Variants in TAOK2 observed in about 807,000 individuals in gnomAD.
TAOK2 encodes TAO kinase 2, also known as serine/threonine-protein kinase TAO2.
TAOK2 carries 42 observed loss-of-function variants against 122.5 expected under a neutral mutation model. The ratio of observed to expected loss-of-function variants is 0.34; its 90% confidence interval spans 0.27 to 0.44. The LOEUF (loss-of-function observed/expected upper bound fraction) is 0.44, where lower values mean the gene tolerates loss of function less well. Among genes scored for constraint, TAOK2 ranks in the 20% least tolerant of loss-of-function variants. The probability of loss-of-function intolerance (pLI) is 1.00; values close to 1 mark genes in which losing one functional copy is unlikely to be tolerated. For missense variants in TAOK2, 1,264 were observed against 1,644.9 expected, an observed-to-expected ratio of 0.77 and a Z score of 4.01; for synonymous variants, 704 against 677.6, an observed-to-expected ratio of 1.04 and a Z score of -0.61.
downstream of TAOK2, chr16:29,991,607 G>C: frequency 7.0e-7 from 1 of 1,438,580 alleles, no homozygotes; most frequent in South Asian, 1.5e-5. This position sits in a 1 kb window ranked among gnomAD's most constrained non-coding sequence, Gnocchi z 5.6. Flanking sequence ...GGCAGGGCAG[G>C]GGTGGGTGGA....
chr16:29,987,599 G>A lies in TAOK2; in HGVS notation c.3327G>A (p.Arg1109=), dbSNP rs61738516. 5,441 of 1,612,630 alleles carry A rather than the reference G, an allele frequency of 3.4e-3. 22 individuals carry two copies. The highest frequency in any genetic ancestry group is 4.0e-3 in the Non-Finnish European group (4,720 of 1,179,056). ...ALQGCGAVGD[R]GLFALYPKTN... ...AGGGCTGTGGGGCTGTGGGGGACCGGGGTCTGTTTGCACTGTACCCCAAAA... is the reference window on the plus strand; with the variant it reads ...AGGGCTGTGGGGCTGTGGGGGACCGAGGTCTGTTTGCACTGTACCCCAAAA... The change falls in exon 16 of 16, where the codon CGG becomes CGA. Residue 1109 remains arginine (R), a synonymous_variant. Transcript: ENST00000308893.
rs766185229 is a variant in TAOK2 at position 29,987,688 on chromosome 16, C to T, written c.3416C>T (p.Thr1139Ile). ...GGGCCCCGGCGGCGTAATCCCCGCA[C>T]CACCCAACACCCATTAGCTCTGTTG... ...VPGPRRRNPR[T>I]TQHPLALLAR... The change falls in exon 16 of 16, where the codon ACC becomes ATC. Residue 1139 changes from threonine (T) to isoleucine (I), a missense_variant. Physicochemically the swap from Thr to Ile is moderately conservative, Grantham distance 89 (BLOSUM62 -1). Around this residue, in one of 4 missense-constraint regions of TAOK2, gnomAD observed 824 missense variants for 908.7 expected, o/e 0.91. Coordinates refer to ENST00000308893, the MANE Select transcript of TAOK2 (RefSeq NM_016151.4). 25 of 1,613,926 alleles carry T rather than the reference C, an allele frequency of 1.5e-5. No homozygotes were observed. In the African/African-American group the frequency reaches 1.6e-4, roughly 10 times the overall value.
chr16:29,980,565 T>G (rs2069582236), intron 8 of TAOK2: 1 of 152,226 alleles, frequency 6.6e-6, no homozygotes, highest in South Asian at 2.1e-4. Flanking sequence ...TCATGAACTC[T>G]TCCACTTCCT....
At chr16:29,988,768 G>C, downstream of TAOK2, 1 of 985,408 alleles carries the variant, frequency 1.0e-6, no homozygotes, top group South Asian at 4.7e-5. Flanking sequence ...TAGTGGGTTG[G>C]GGGACGGGGC....
At position 29,985,443 on chromosome 16, in the gene TAOK2, G is replaced by C; in HGVS notation, c.1653G>C (p.Glu551Asp). The C allele has an allele frequency of 1.9e-6, 3 of 1,611,146 alleles. No homozygotes were observed. The highest frequency in any genetic ancestry group is 2.5e-6 in the Non-Finnish European group (3 of 1,178,794). ...CCCGGCGGCACCAGGCCATAGGTGA[G>C]AAGGAGGCACGAGCTGCCCAGGCCG... The part of the protein sequence containing the change: ...KLARRHQAIG[E>D]KEARAAQAEE... Residue 551 changes from glutamate (E) to aspartate (D), a missense_variant, in exon 14 of 16, where the codon GAG becomes GAC. Physicochemically the swap from Glu to Asp is conservative, Grantham distance 45. Transcript: ENST00000308893. The surrounding 1 kb of genome is among the most constrained non-coding windows in gnomAD (Gnocchi z 6.9).
chr16:29,987,099 C>T lies in TAOK2; in HGVS notation c.2827C>T (p.Leu943Phe). 6.2e-7 allele frequency: 1 copy of T among 1,613,168 alleles called. No individual in the cohort carries two copies. Among genetic ancestry groups the T allele is most frequent in the Non-Finnish European group, 8.5e-7 (1 of 1,179,400 alleles). Residue 943 changes from leucine to phenylalanine, a missense_variant, in exon 16 of 16, where the codon CTC becomes TTC. Transcript: ENST00000308893. ...THLRPCPASQ[L>F]PGLLSHGLLA... Reference sequence around the variant, plus strand: ...CCTGAGGCCCTGCCCTGCCAGCCAGCTCCCTGGACTCCTGTCCCATGGCCT... The same window carrying T: ...CCTGAGGCCCTGCCCTGCCAGCCAGTTCCCTGGACTCCTGTCCCATGGCCT...
At position 29,974,500 on chromosome 16, in the gene TAOK2, C is replaced by T. The variant is rs2069393195; in HGVS notation, c.-184C>T. ...GTCACCCCCTCCCCTCCAGGGGAGGCTTCCCGGGCCCGCCCCTCAGGAAGG... is the reference window on the plus strand; with the variant it reads ...GTCACCCCCTCCCCTCCAGGGGAGGTTTCCCGGGCCCGCCCCTCAGGAAGG... On this transcript the variant is annotated 5_prime_UTR_variant, in exon 1 of 16. Transcript: ENST00000308893. 6.6e-6 allele frequency: 1 copy of T among 152,592 alleles called. No homozygotes were observed. The highest frequency in any genetic ancestry group is 2.1e-4 in the South Asian group (1 of 4,836). 9.5% of individuals were successfully genotyped at this position (152,592 alleles called of 1,614,324 possible). A position where few individuals can be genotyped will look rare whatever the true frequency, so the allele number is the denominator to read the frequency against.
At chr16:29,982,686 TG>T (rs774493353) in intron 10 of TAOK2, 47 bp from the exon 11 acceptor site, 1 of 1,585,792 alleles carries the variant, frequency 6.3e-7, no homozygotes. Context: ...CTGTGGGTTG[TG>T]GGGGGAAGGG....
Position 29,982,867 on chromosome 16 carries a change from A to G in TAOK2, c.965A>G (p.Asn322Ser). The G allele has an allele frequency of 6.2e-7, 1 of 1,614,062 alleles. No homozygotes were observed. The highest frequency in any genetic ancestry group is 8.5e-7 in the Non-Finnish European group (1 of 1,179,972). Residue 322 changes from asparagine (N) to serine (S), a missense_variant, in exon 11 of 16, where the codon AAC becomes AGC. Asn to Ser is a conservative substitution (Grantham distance 46). Around this residue, in one of 4 missense-constraint regions of TAOK2, gnomAD observed 254 missense variants for 503.8 expected, o/e 0.50. Transcript: ENST00000308893. ...MKKILFQEAPNGPGAEAPEEE... is the reference protein window; with the variant it reads ...MKKILFQEAPSGPGAEAPEEE... ...AAGATCCTGTTCCAAGAGGCACCCA[A>G]CGGCCCTGGTGCCGAGGCCCCAGAG...
At chr16:29,977,612 C>A in intron 1 of TAOK2, 126 bp from the exon 2 acceptor site, 2 of 892,948 alleles carry the variant, frequency 2.2e-6, no homozygotes, top group East Asian at 2.7e-5. Flanking sequence ...CTCCCCCTCC[C>A]CTTCCTCAGC....
chr16:29,987,810 C>T lies in TAOK2; in HGVS notation c.3538C>T (p.Leu1180=). The T allele has an allele frequency of 6.2e-7, 1 of 1,613,546 alleles. No individual in the cohort carries two copies. Among genetic ancestry groups the T allele is most frequent in the Non-Finnish European group, 8.5e-7 (1 of 1,179,814 alleles). The change falls in exon 16 of 16, where the codon CTG becomes TTG. Residue 1180 remains leucine, a synonymous_variant. Coordinates refer to ENST00000308893, the MANE Select transcript of TAOK2 (RefSeq NM_016151.4). ...CTTGCCCCCGTGGGCCATCCACACA[C>T]TGGCCAGCTGGGGCCTGCTTCGGGG... ...SHLPPWAIHT[L]ASWGLLRGER... is the part of the protein sequence containing the mutation.
rs138953442 is a variant in TAOK2 at position 29,983,173 on chromosome 16, C to G, written c.1101C>G (p.Ser367=). ...TCAGCGCCTCCAGCCAGAGCAGCTC[C>G]GTCAACAGCCTAGCAGATGCCTCAG... ...MSISASSQSS[S]VNSLADASDN... is the part of the protein sequence containing the mutation. The change falls in exon 12 of 16, where the codon TCC becomes TCG. Residue 367 remains serine (S), a synonymous_variant. Coordinates refer to ENST00000308893, the MANE Select transcript of TAOK2 (RefSeq NM_016151.4). The G allele has an allele frequency of 1.9e-6, 3 of 1,614,048 alleles. No homozygotes were observed. Among genetic ancestry groups the G allele is most frequent in the Non-Finnish European group, 2.5e-6 (3 of 1,180,012 alleles).
chr16:29,987,576 G>A lies in TAOK2; in HGVS notation c.3304G>A (p.Gly1102Ser). The part of the protein sequence containing the change: ...LSPMAFRALQ[G>S]CGAVGDRGLF... The stretch of plus-strand genomic sequence containing the variant: ...ACCCATGGCCTTCCGGGCCCTGCAG[G>A]GCTGTGGGGCTGTGGGGGACCGGGG... Residue 1102 changes from glycine (G) to serine (S), a missense_variant, in exon 16 of 16, where the codon GGC becomes AGC. Transcript: ENST00000308893. 1 of 1,612,290 alleles carries A rather than the reference G, an allele frequency of 6.2e-7. No homozygotes were observed. Among genetic ancestry groups the A allele is most frequent in the East Asian group, 2.2e-5 (1 of 44,822 alleles).
intron 13 of TAOK2, 63 bp downstream of exon 13, chr16:29,983,727 G>T: frequency 6.4e-7 from 1 of 1,553,276 alleles, no homozygotes; most frequent in Non-Finnish European, 8.7e-7. Flanking sequence ...TTTAAGTCTA[G>T]AAATGATTTC....
Position 29,979,269 on chromosome 16 carries a change from T to A in TAOK2, c.524T>A (p.Ile175Asn), listed in dbSNP as rs939417987. 2 of 1,614,042 alleles carry A rather than the reference T, an allele frequency of 1.2e-6. No homozygotes were observed. Among genetic ancestry groups the A allele is most frequent in the African/African-American group, 2.7e-5 (2 of 74,916 alleles). The change falls in exon 7 of 16, where the codon ATC (isoleucine) becomes AAC (asparagine). Residue 175 changes from isoleucine to asparagine, a missense_variant. Ile to Asn is a moderately radical substitution (Grantham distance 149). Around this residue, in one of 4 missense-constraint regions of TAOK2, gnomAD observed 254 missense variants for 503.8 expected, o/e 0.50. Coordinates refer to ENST00000308893, the MANE Select transcript of TAOK2 (RefSeq NM_016151.4). This position sits in a 1 kb window ranked among gnomAD's most constrained non-coding sequence, Gnocchi z 4.1. ...VKLGDFGSAS[I>N]MAPANSFVGT... is the part of the protein sequence containing the mutation. ...CTAGGGGACTTTGGTTCTGCGTCCATCATGGCACCTGCCAACTCCTTCGTG... is the reference window on the plus strand; with the variant it reads ...CTAGGGGACTTTGGTTCTGCGTCCAACATGGCACCTGCCAACTCCTTCGTG...
At chr16:29,978,387 C>T (rs1257703930) in intron 4 of TAOK2, 34 bp downstream of exon 4, 2 of 1,599,690 alleles carry the variant, frequency 1.3e-6, no homozygotes, top group Non-Finnish European at 1.7e-6. Flanking sequence ...CTGATCTTTA[C>T]TCCTATTCAT....
downstream of TAOK2, chr16:29,989,841 G>A (rs1326791987): frequency 1.2e-6 from 2 of 1,603,406 alleles, no homozygotes; most frequent in South Asian, 1.1e-5. Flanking sequence ...GTGCGCTAGA[G>A]GCCAGGCTCT....
rs756153120 is a variant in TAOK2 at position 29,987,422 on chromosome 16, C to G, written c.3150C>G (p.Leu1050=). 6.9e-6 allele frequency: 11 copies of G among 1,605,476 alleles called. No homozygotes were observed. The highest frequency in any genetic ancestry group is 6.7e-5 in the African/African-American group (5 of 74,654). ...CCCTGGGCCTTGGAGCTGCCTGGCT[C>G]TTAGCTTGGCCAGGCCTAGCTCTAC... ...GVPLGLGAAW[L]LAWPGLALPL... is the part of the protein sequence containing the mutation. The change falls in exon 16 of 16, where the codon CTC becomes CTG. Residue 1050 remains leucine (L), a synonymous_variant. Transcript: ENST00000308893.
chr16:29,987,999 G>C lies in TAOK2; in HGVS notation c.*19G>C. On this transcript the variant is annotated 3_prime_UTR_variant, in exon 16 of 16. Coordinates refer to ENST00000308893, the MANE Select transcript of TAOK2 (RefSeq NM_016151.4). ...GAGGTAGCTGACTCCAGCCCTTCCA[G>C]CCCAAATCTAGAGCATTGAGCACTT... The C allele has an allele frequency of 6.6e-7, 1 of 1,512,360 alleles. No homozygotes were observed. The allele number at this position is 1,512,360 out of a possible 1,614,324, so 93.7% of individuals were successfully genotyped here. A position where few individuals can be genotyped will look rare whatever the true frequency, so the allele number is the denominator to read the frequency against.
Sources: gnomAD v4.1 joint callset for allele counts on GRCh38, gnomAD v4.1.1 for gene constraint, gnomAD v4.1.1 regional missense constraint, Gnocchi (gnomAD v3.1) non-coding constraint, MANE v1.5 for transcripts, NCBI Gene and HGNC (gene_info 2026-07-23, HGNC 2026-07-21) for gene names.